COL23A1: variants seen among roughly 807,000 people sequenced by gnomAD.
COL23A1 encodes the protein collagen type XXIII alpha 1 chain.
Under a neutral mutation model 99.3 loss-of-function variants are expected in COL23A1, and 97 were observed. The observed-to-expected ratio is 0.98, with a 90% CI of 0.83 to 1.16. COL23A1 has a LOEUF of 1.16. Among genes scored for constraint, COL23A1 ranks in the 50% most tolerant of loss-of-function variants. COL23A1 has a pLI of 0.00. For missense variants in COL23A1, 762 were observed against 757.4 expected, an observed-to-expected ratio of 1.01 and a Z score of -0.07; for synonymous variants, 320 against 308.2, an observed-to-expected ratio of 1.04 and a Z score of -0.40.
intron 2 of COL23A1, among the ~76,000 whole-genome samples, chr5:178,418,402 G>A (rs189364430): frequency 6.6e-6 from 1 of 152,264 alleles, no homozygotes; most frequent in Admixed American, 6.5e-5. Flanking sequence ...CTTCCCCTAC[G>A]TTCCAGCTTT....
chr5:178,378,966 T>A (rs942682333), intron 2 of COL23A1, among the ~76,000 whole-genome samples: 1 of 152,124 alleles, frequency 6.6e-6, no homozygotes, highest in Non-Finnish European at 1.5e-5. Flanking sequence ...TAGTTTTCAG[T>A]TGGAGGCAAG....
rs75429510 is a variant in COL23A1 at position 178,411,224 on chromosome 5, T to C, written c.362-104305A>G. On this transcript the variant is annotated intron_variant, in intron 2 of 28. Coordinates refer to ENST00000390654, the MANE Select transcript of COL23A1 (RefSeq NM_173465.4). ...TAGGAATGTAAAATTGTTCGGCTCC[T>C]GTGAAAATGTTTGGTGGTTCCTCAA... 7.4e-3 allele frequency among the ~76,000 whole-genome samples: 1,134 copies of C among 152,346 alleles called. 14 individuals carry two copies. The highest frequency in any genetic ancestry group is 0.025 in the African/African-American group (1,052 of 41,576).
At chr5:178,249,419 C>T (rs982539339) in intron 18 of COL23A1, among the ~76,000 whole-genome samples, 5 of 152,200 alleles carry the variant, frequency 3.3e-5, no homozygotes, top group South Asian at 2.1e-4. Context: ...GTGTGGGCAC[C>T]GCAGGGCAGG....
intron 2 of COL23A1, among the ~76,000 whole-genome samples, chr5:178,494,650 G>A (rs1758104021): frequency 6.6e-6 from 1 of 152,218 alleles, no homozygotes; most frequent in Non-Finnish European, 1.5e-5. Context: ...ACTCCAGCCT[G>A]GGCGACATCC....
At position 178,252,586 on chromosome 5, in the gene COL23A1, T is replaced by C; in HGVS notation, c.972A>G (p.Gly324=). The part of the protein sequence containing the change: ...RILDALKGPP[G]PQGPPGPPGI... ...CTGGTGGCCCTGGGGGCCCCTGTGG[T>C]CCGGGAGGCCCCTGTGTGTGAGAGT... Residue 324 remains glycine, a synonymous_variant, in exon 17 of 29, where the codon GGA becomes GGG. Coordinates refer to ENST00000390654, the MANE Select transcript of COL23A1 (RefSeq NM_173465.4). 1 of 1,610,654 alleles carries C rather than the reference T, an allele frequency of 6.2e-7. No individual in the cohort carries two copies. The highest frequency in any genetic ancestry group is 2.2e-5 in the East Asian group (1 of 44,778).
chr5:178,367,324 C>T (rs898776874), intron 2 of COL23A1, among the ~76,000 whole-genome samples: 10 of 152,164 alleles, frequency 6.6e-5, no homozygotes, highest in African/African-American at 1.7e-4. Flanking sequence ...GGGTGGGTCA[C>T]GCCTCTCTGT....
Position 178,254,249 on chromosome 5 carries a change from G to A in COL23A1, c.960+700C>T, listed in dbSNP as rs561843035. ...GGTCAGCCTGGGACACATCATGCAT[G>A]TGCCTGCCGTCTGGGCCATGCCACG... On this transcript the variant is annotated intron_variant, in intron 16 of 28. Coordinates refer to ENST00000390654, the MANE Select transcript of COL23A1 (RefSeq NM_173465.4). 3.3e-4 allele frequency among the ~76,000 whole-genome samples: 50 copies of A among 151,826 alleles called. 1 individual carries two copies. In the South Asian group the frequency reaches 0.01, roughly 31 times the overall value.
chr5:178,526,858 G>A (rs891786609), intron 2 of COL23A1, among the ~76,000 whole-genome samples: 6 of 152,174 alleles, frequency 3.9e-5, no homozygotes, highest in South Asian at 2.1e-4. Context: ...TGAGTCCATC[G>A]CACGCTCCTG....
At chr5:178,261,269 C>T (rs1765609469) in intron 11 of COL23A1, among the ~76,000 whole-genome samples, 2 of 152,008 alleles carry the variant, frequency 1.3e-5, no homozygotes, top group African/African-American at 2.4e-5. Context: ...AAAAAATTAG[C>T]TGGGCATGGT....
In COL23A1 at chr5:178,384,882, G is replaced by T. The variant is rs1013752743; in HGVS notation, c.362-77963C>A. ...AGAAAAGCGGGAAATAGCCTGCAAGGAGGAAGAGCGCGGTGAGAGGTCAAA... is the reference window on the plus strand; with the variant it reads ...AGAAAAGCGGGAAATAGCCTGCAAGTAGGAAGAGCGCGGTGAGAGGTCAAA... On this transcript the variant is annotated intron_variant, in intron 2 of 28. Coordinates refer to ENST00000390654, the MANE Select transcript of COL23A1 (RefSeq NM_173465.4). The surrounding 1 kb of genome is among the most constrained non-coding windows in gnomAD (Gnocchi z 5.5). Among the ~76,000 whole-genome samples, 3 of 152,184 alleles carry T rather than the reference G, an allele frequency of 2.0e-5. No individual in the cohort carries two copies. The highest frequency in any genetic ancestry group is 4.4e-5 in the Non-Finnish European group (3 of 68,032).
At chr5:178,252,758 G>T (rs1201403010) in intron 16 of COL23A1, among the ~76,000 whole-genome samples, 161 bp from the exon 17 acceptor site, 1 of 152,254 alleles carries the variant, frequency 6.6e-6, no homozygotes, top group African/African-American at 2.4e-5. Flanking sequence ...AGGCCACACT[G>T]TGCAAGGCTT....
intron 1 of COL23A1, among the ~76,000 whole-genome samples, chr5:178,582,981 A>AG (rs1763740635): frequency 6.6e-6 from 1 of 152,204 alleles, no homozygotes; most frequent in Non-Finnish European, 1.5e-5. Flanking sequence ...CTTCCCAGGC[A>AG]GGCTGCAAAC....
chr5:178,398,780 G>T (rs1224003936), intron 2 of COL23A1, among the ~76,000 whole-genome samples: 1 of 152,162 alleles, frequency 6.6e-6, no homozygotes, highest in East Asian at 1.9e-4. Flanking sequence ...CTCTTTCAGG[G>T]ACCCGTTGTT....
intron 2 of COL23A1, chr5:178,438,782 G>C (rs1015592645): frequency 6.6e-6 from 1 of 152,184 alleles, no homozygotes; most frequent in African/African-American, 2.4e-5. Context: ...TTTAGGAAAT[G>C]CTAGCATTAG....
At position 178,579,744 on chromosome 5, in the gene COL23A1, G is replaced by A. The variant is rs560855234; in HGVS notation, c.294+10160C>T. On this transcript the variant is annotated intron_variant, in intron 1 of 28. Transcript: ENST00000390654. Reference sequence around the variant, plus strand: ...TGGGATTACAGGCATGAGCCACCGCGTCTGGCCAAGGCTGAAGTCTTCCCT... The same window carrying A: ...TGGGATTACAGGCATGAGCCACCGCATCTGGCCAAGGCTGAAGTCTTCCCT... Among the ~76,000 whole-genome samples the A allele has an allele frequency of 4.6e-5, 7 of 152,194 alleles. No individual in the cohort carries two copies. The South Asian group carries it at 8.3e-4, about 18-fold the overall frequency.
intron 10 of COL23A1, 34 bp from the exon 11 acceptor site, chr5:178,261,782 T>C: frequency 6.4e-7 from 1 of 1,560,482 alleles, no homozygotes; most frequent in Non-Finnish European, 8.8e-7. Flanking sequence ...TTAAATGTCA[T>C]ACTGGAGGCT....
At chr5:178,580,576 C>T (rs748948526) in intron 1 of COL23A1, among the ~76,000 whole-genome samples, 84 of 152,038 alleles carry the variant, frequency 5.5e-4, no homozygotes, top group Admixed American at 3.9e-4. Flanking sequence ...AATCCTGATT[C>T]AACACATGAT....
chr5:178,488,503 G>A (rs1757751877), intron 2 of COL23A1, among the ~76,000 whole-genome samples: 1 of 151,876 alleles, frequency 6.6e-6, no homozygotes, highest in Admixed American at 6.6e-5. Context: ...CACCGCCACC[G>A]CCATCAGACG....
intron 2 of COL23A1, among the ~76,000 whole-genome samples, chr5:178,436,857 G>T (rs1421618410): frequency 6.6e-6 from 1 of 152,204 alleles, no homozygotes; most frequent in Non-Finnish European, 1.5e-5. Flanking sequence ...AAGAGACTGG[G>T]GGTCAGAGAG....
Sources: allele counts gnomAD v4.1 joint callset (sites outside exome capture counted in the v4.1 genomes callset), GRCh38; gene constraint gnomAD v4.1.1; non-coding constraint Gnocchi (gnomAD v3.1); transcripts MANE v1.5; gene names NCBI Gene and HGNC (gene_info 2026-07-23, HGNC 2026-07-21).